Variants in CNIH3 observed in about 807,000 individuals in gnomAD.
CNIH3 encodes cornichon family AMPA receptor auxiliary protein 3.
Under a neutral mutation model 24.1 loss-of-function variants are expected in CNIH3, and 14 were observed. The observed-to-expected ratio is 0.58, with a 90% CI of 0.38 to 0.91. CNIH3 has a LOEUF of 0.91. CNIH3 is among the 40% of genes least tolerant of loss of function. The probability of loss-of-function intolerance (pLI) is 0.00; values close to 1 mark genes in which losing one functional copy is unlikely to be tolerated. For synonymous variants in CNIH3, 68 were observed against 73.8 expected (o/e 0.92, Z 0.40); for missense variants, 178 against 196.8 (o/e 0.90, Z 0.57).
Position 224,616,517 on chromosome 1 carries a change from G to C in CNIH3, c.-658G>C. The C allele has an allele frequency of 1.0e-6, 1 of 987,622 alleles. No individual in the cohort carries two copies. Among genetic ancestry groups the C allele is most frequent in the African/African-American group, 1.7e-5 (1 of 57,390 alleles). 61.2% of individuals were successfully genotyped at this position (987,622 alleles called of 1,614,324 possible). A position where few individuals can be genotyped will look rare whatever the true frequency, so the allele number is the denominator to read the frequency against. The stretch of plus-strand genomic sequence containing the variant: ...GCCGGCTGGCCGGAGTCACGGTTGG[G>C]GACGGGCGCGCCTCGGAGCGCACGG... On this transcript the variant is annotated 5_prime_UTR_variant, in exon 1 of 6. Transcript: ENST00000272133.
At chr1:224,492,745 G>A (rs536991123) in intron 1 of CNIH3, among the ~76,000 whole-genome samples, 1 of 152,194 alleles carries the variant, frequency 6.6e-6, no homozygotes, top group Non-Finnish European at 1.5e-5. Flanking sequence ...TGAGTCCCCA[G>A]TATAGAGTCA....
At chr1:224,505,305 GAAA>G (rs35027217) in intron 1 of CNIH3, among the ~76,000 whole-genome samples, 12 of 138,530 alleles carry the variant, frequency 8.7e-5, no homozygotes, top group African/African-American at 1.9e-4. Context: ...TCTCAAAAAG[GAAA>G]AAAAAAAAAA....
intron 1 of CNIH3, among the ~76,000 whole-genome samples, chr1:224,678,883 A>C (rs1686263309): frequency 6.6e-6 from 1 of 152,168 alleles, no homozygotes; most frequent in Non-Finnish European, 1.5e-5. Context: ...CAAATGAAAG[A>C]ATAGGCTGGG....
chr1:224,628,166 C>T (rs1230076162), intron 1 of CNIH3, among the ~76,000 whole-genome samples: 1 of 152,102 alleles, frequency 6.6e-6, no homozygotes, highest in African/African-American at 2.4e-5. Flanking sequence ...ACGCTTCGCT[C>T]AACTGTCTCT....
At chr1:224,613,707 T>C (rs1682804851), upstream of CNIH3, among the ~76,000 whole-genome samples, 1 of 152,164 alleles carries the variant, frequency 6.6e-6, no homozygotes, top group Non-Finnish European at 1.5e-5. Context: ...AACACTCTCT[T>C]GCTCTTGCTT....
intron 5 of CNIH3, among the ~76,000 whole-genome samples, chr1:224,585,205 G>A (rs1264444671): frequency 6.6e-6 from 1 of 152,062 alleles, no homozygotes. Flanking sequence ...TGCCTTCCTT[G>A]CCCGTTTCCC....
At chr1:224,586,142 A>T (rs962173421) in intron 5 of CNIH3, among the ~76,000 whole-genome samples, 1 of 152,228 alleles carries the variant, frequency 6.6e-6, no homozygotes. Flanking sequence ...CTGAACCTTG[A>T]AAAGGGACCT....
At chr1:224,721,874 G>C (rs561482197) in intron 3 of CNIH3, among the ~76,000 whole-genome samples, 1 of 152,126 alleles carries the variant, frequency 6.6e-6, no homozygotes, top group Non-Finnish European at 1.5e-5. Context: ...GCTCACCTCC[G>C]TCCCAGGAAT....
chr1:224,463,778 T>A (rs972199825), intron 1 of CNIH3, among the ~76,000 whole-genome samples: 5 of 26,646 alleles, frequency 1.9e-4, no homozygotes, highest in South Asian at 3.0e-3. Context: ...TCCTCATTTT[T>A]TTTTTTTTTT....
intron 1 of CNIH3, among the ~76,000 whole-genome samples, chr1:224,659,854 A>T (rs954914864): frequency 6.6e-6 from 1 of 152,236 alleles, no homozygotes; most frequent in Non-Finnish European, 1.5e-5. Context: ...AGGCCTTTTC[A>T]TGGGGAGAAA....
At chr1:224,713,964 A>G (rs1015388718) in intron 3 of CNIH3, among the ~76,000 whole-genome samples, 46 of 152,110 alleles carry the variant, frequency 3.0e-4, no homozygotes, top group African/African-American at 1.0e-3. Flanking sequence ...ACAGGCATGC[A>G]CCACCACACC....
At chr1:224,486,587 G>A (rs976458523) in intron 1 of CNIH3, among the ~76,000 whole-genome samples, 2 of 151,884 alleles carry the variant, frequency 1.3e-5, no homozygotes, top group Non-Finnish European at 2.9e-5. Flanking sequence ...GAATATATAC[G>A]TATACATACC....
At chr1:224,470,121 C>A (rs1355914331) in intron 1 of CNIH3, among the ~76,000 whole-genome samples, 1 of 151,552 alleles carries the variant, frequency 6.6e-6, no homozygotes, top group Non-Finnish European at 1.5e-5. Context: ...CGGGTTCATG[C>A]CATTTTCCTG....
intron 3 of CNIH3, among the ~76,000 whole-genome samples, chr1:224,601,956 C>T (rs746218314): frequency 1.3e-5 from 2 of 152,224 alleles, no homozygotes; most frequent in Admixed American, 6.5e-5. Flanking sequence ...AGCATACAAG[C>T]ACCAGCACTA....
At chr1:224,544,952 A>G (rs376612042) in intron 2 of CNIH3, among the ~76,000 whole-genome samples, 10 of 152,162 alleles carry the variant, frequency 6.6e-5, no homozygotes, top group South Asian at 2.1e-4. Context: ...CTGAGGGAGG[A>G]AGTAGAGTGG....
chr1:224,651,466 C>T (rs1292748534), intron 1 of CNIH3, among the ~76,000 whole-genome samples: 5 of 152,154 alleles, frequency 3.3e-5, no homozygotes, highest in Admixed American at 3.3e-4. Context: ...ATTGCTTAAC[C>T]CTTTCCTCCA....
rs1454924672 is a variant in CNIH3, at chr1:224,616,984, G to A, written c.-191G>A. On this transcript the variant is annotated 5_prime_UTR_variant, in exon 1 of 6. Transcript: ENST00000272133. ...TCGCCGGAGGGCCGGGTCTGGGGTC[G>A]CCGGAGCCTGCGGGAATCCAGCGCT... 2 of 1,408,356 alleles carry A rather than the reference G, an allele frequency of 1.4e-6. No homozygotes were observed. The highest frequency in any genetic ancestry group is 5.5e-5 in the Admixed American group (2 of 36,416). The allele number at this position is 1,408,356 out of a possible 1,614,324, so 87.2% of individuals were successfully genotyped here.
intron 1 of CNIH3, among the ~76,000 whole-genome samples, chr1:224,648,807 C>G (rs1402889602): frequency 2.0e-5 from 3 of 152,166 alleles, no homozygotes; most frequent in Non-Finnish European, 2.9e-5. Flanking sequence ...AGATTAGTAA[C>G]TATTCCTTCC....
chr1:224,491,460 T>C (rs944614464), intron 1 of CNIH3, among the ~76,000 whole-genome samples: 6 of 152,200 alleles, frequency 3.9e-5, no homozygotes, highest in African/African-American at 1.4e-4. Context: ...CTTTATGATA[T>C]ACAATTAAAT....
Sources: gnomAD v4.1 joint callset for allele counts (sites outside exome capture counted in the v4.1 genomes callset) on GRCh38, gnomAD v4.1.1 for gene constraint, MANE v1.5 for transcripts, NCBI Gene and HGNC (gene_info 2026-07-23, HGNC 2026-07-21) for gene names.